Variants in COL12A1 observed in about 807,000 individuals in gnomAD.
The protein encoded by COL12A1 is collagen type XII alpha 1 chain.
Under a neutral mutation model 349.7 loss-of-function variants are expected in COL12A1, and 114 were observed. That is an observed-to-expected ratio of 0.33 (90% confidence interval 0.28 to 0.38). The LOEUF is 0.38. Ranked by LOEUF, COL12A1 falls within the 10% of genes least tolerant of loss-of-function variation. COL12A1 has a pLI of 1.00. For synonymous variants in COL12A1, 1,369 were observed against 1,329.0 expected, an observed-to-expected ratio of 1.03 and a Z score of -0.66; for missense variants, 3,284 against 3,756.9, an observed-to-expected ratio of 0.87 and a Z score of 3.29.
At chr6:75,192,932 T>A (rs139666096) in intron 3 of COL12A1, among the ~76,000 whole-genome samples, 8 of 152,258 alleles carry the variant, frequency 5.3e-5, no homozygotes, top group African/African-American at 1.7e-4. Context: ...CAAGGTCCAG[T>A]ATACTAGGTG....
rs1766321428 is a variant in COL12A1 at position 75,131,989 on chromosome 6, T to C, written c.5888A>G (p.Gln1963Arg). The C allele has an allele frequency of 1.2e-6, 2 of 1,614,028 alleles. No individual in the cohort carries two copies. The highest frequency in any genetic ancestry group is 1.7e-6 in the Non-Finnish European group (2 of 1,180,010). ...CACAGGAGAATACACAACGCGATAT[T>C]GCAGCACAGGTCCTGGAGCAGGGTC... ...RWDPAPGPVL[Q>R]YRVVYSPVDG... The change falls in exon 35 of 66, where the codon CAA becomes CGA. Residue 1963 changes from glutamine (Q) to arginine (R), a missense_variant. This residue lies in a region of COL12A1 where 2,601 missense variants were observed against 2,824.8 expected (regional missense o/e 0.92). Transcript: ENST00000322507.
rs1490589326 is a variant in COL12A1, at chr6:75,181,135, T to C, written c.1968A>G (p.Gly656=). The C allele has an allele frequency of 1.2e-6, 2 of 1,613,656 alleles. No homozygotes were observed. Among genetic ancestry groups the C allele is most frequent in the East Asian group, 2.2e-5 (1 of 44,850 alleles). Residue 656 remains glycine (G), a synonymous_variant, in exon 11 of 66, where the codon GGA becomes GGG. Coordinates refer to ENST00000322507, the MANE Select transcript of COL12A1 (RefSeq NM_004370.6). ...YGFKTNWSPA[G]ENVFSYHITY... ...TGATGTGATATGAAAAAACATTTTC[T>C]CCAGCTGGAGACCAGTTGGTTTTGA... is the stretch of plus-strand genomic sequence containing the variant.
Position 75,102,645 on chromosome 6 carries a change from A to G in COL12A1, c.8367T>C (p.Gly2789=). ...CATTGGGTCCCTGAGGGCCTGGAGG[A>G]CCCTGGGGGCCTGGAGGACCTATGT... is the stretch of plus-strand genomic sequence containing the variant. The part of the protein sequence containing the change: ...RGDIGPPGPQ[G]PPGPQGPNGL... The change falls in exon 56 of 66, where the codon GGT becomes GGC. Residue 2789 remains glycine (G), a synonymous_variant. Transcript: ENST00000322507. The G allele has an allele frequency of 6.4e-7, 1 of 1,573,720 alleles. No individual in the cohort carries two copies. Among genetic ancestry groups the G allele is most frequent in the Admixed American group, 1.9e-5 (1 of 53,714 alleles).
chr6:75,180,118 A>G (rs1376105272), intron 11 of COL12A1, among the ~76,000 whole-genome samples: 2 of 152,222 alleles, frequency 1.3e-5, no homozygotes, highest in Non-Finnish European at 2.9e-5. Flanking sequence ...TAACATAATA[A>G]GAACCCCATC....
chr6:75,182,491 T>C (rs1268098224), intron 10 of COL12A1, among the ~76,000 whole-genome samples: 1 of 152,104 alleles, frequency 6.6e-6, no homozygotes, highest in East Asian at 1.9e-4. Flanking sequence ...GTTAGTTTGC[T>C]GAGAATGATG....
Position 75,151,958 on chromosome 6 carries a change from A to G in COL12A1, c.3909T>C (p.Ile1303=). ...ATTTTCCATCAGTAATGAGCACACCAATTTTTCGAGCTCGAGGTCTCATGC... is the reference window on the plus strand; with the variant it reads ...ATTTTCCATCAGTAATGAGCACACCGATTTTTCGAGCTCGAGGTCTCATGC... ...QAGMRPRARK[I]GVLITDGKSQ... Residue 1303 remains isoleucine, a synonymous_variant, in exon 20 of 66, where the codon ATT becomes ATC. Transcript: ENST00000322507. 1 of 1,613,862 alleles carries G rather than the reference A, an allele frequency of 6.2e-7. No homozygotes were observed. Among genetic ancestry groups the G allele is most frequent in the Non-Finnish European group, 8.5e-7 (1 of 1,179,818 alleles).
Position 75,175,106 on chromosome 6 carries a change from A to C in COL12A1, c.2642T>G (p.Leu881Ter), listed in dbSNP as rs1768857751. The stretch of plus-strand genomic sequence containing the variant: ...AGACGCATACAAGGCTGTCACAGAT[A>C]AGGCGTATTGTGTCCCTTCCTTCAA... ...QGLKEGTQYALSVTALYASGA... is the reference protein window; with the variant it reads ...QGLKEGTQYA Residue 881 changes from leucine to a stop codon, truncating the protein, a stop_gained, in exon 13 of 66, where the codon TTA becomes TGA. Transcript: ENST00000322507. LOFTEE classifies it high-confidence loss of function. 1 of 1,614,050 alleles carries C rather than the reference A, an allele frequency of 6.2e-7. No individual in the cohort carries two copies. The highest frequency in any genetic ancestry group is 8.5e-7 in the Non-Finnish European group (1 of 1,180,034).
chr6:75,174,743 G>C (rs186970737), intron 13 of COL12A1, among the ~76,000 whole-genome samples: 1 of 152,232 alleles, frequency 6.6e-6, no homozygotes, highest in East Asian at 1.9e-4. Flanking sequence ...CGCTCTGAAT[G>C]TCATACACCT....
chr6:75,104,360 C>T (rs1482506977), intron 54 of COL12A1, among the ~76,000 whole-genome samples: 1 of 152,062 alleles, frequency 6.6e-6, no homozygotes, highest in Non-Finnish European at 1.5e-5. Context: ...ATCACTGTTA[C>T]TAGAAAAAAA....
chr6:75,158,408 T>G (rs1463855215), intron 14 of COL12A1, among the ~76,000 whole-genome samples: 2 of 152,028 alleles, frequency 1.3e-5, no homozygotes, highest in Admixed American at 1.3e-4. Flanking sequence ...TCACCAGAAA[T>G]CAAACCCTGC....
intron 30 of COL12A1, among the ~76,000 whole-genome samples, chr6:75,137,917 A>C (rs1483144394): frequency 6.6e-6 from 1 of 151,812 alleles, no homozygotes; most frequent in East Asian, 1.9e-4. Context: ...GAGAGAGTTT[A>C]TTCTCTCTCT....
At chr6:75,205,625 C>A (rs1189488278) in intron 1 of COL12A1, among the ~76,000 whole-genome samples, 152 bp downstream of exon 1, 1 of 152,188 alleles carries the variant, frequency 6.6e-6, no homozygotes, top group African/African-American at 2.4e-5. Flanking sequence ...GTATACAAGG[C>A]AACGCTCTAG....
chr6:75,197,821 A>T (rs1770312834), intron 2 of COL12A1, among the ~76,000 whole-genome samples: 1 of 152,220 alleles, frequency 6.6e-6, no homozygotes, highest in Non-Finnish European at 1.5e-5. Flanking sequence ...ATATTTACAG[A>T]TAATGTTTTT....
chr6:75,202,626 GA>G, intron 2 of COL12A1, 93 bp downstream of exon 2: 1 of 1,263,836 alleles, frequency 7.9e-7, no homozygotes, highest in Non-Finnish European at 1.1e-6. Context: ...GAAGCGCAGG[GA>G]AAACAGAGCA....
In COL12A1 at chr6:75,147,774, C is replaced by G. The variant is rs1767274098; in HGVS notation, c.4318G>C (p.Val1440Leu). The change falls in exon 23 of 66, where the codon GTG becomes CTG. Residue 1440 changes from valine (V) to leucine (L), a missense_variant. By Grantham distance (32) the Val-to-Leu change is conservative. Transcript: ENST00000322507. ...FYVSRMETST[V>L]LKDLKPETEY... ...GTTTCAGGTTTCAGATCTTTCAGCA[C>G]TGTGCTAGTTTCCATTCGACTCACA... is the stretch of plus-strand genomic sequence containing the variant. 1 of 1,613,350 alleles carries G rather than the reference C, an allele frequency of 6.2e-7. No homozygotes were observed. Among genetic ancestry groups the G allele is most frequent in the Non-Finnish European group, 8.5e-7 (1 of 1,179,612 alleles).
At position 75,133,534 on chromosome 6, in the gene COL12A1, T is replaced by C. The variant is rs117491480; in HGVS notation, c.5665-112A>G. The C allele has an allele frequency of 6.1e-3, 6,621 of 1,091,406 alleles. 32 individuals carry two copies. The highest frequency in any genetic ancestry group is 0.024 in the Middle Eastern group (85 of 3,484). 67.6% of individuals were successfully genotyped at this position (1,091,406 alleles called of 1,614,324 possible). A position where few individuals can be genotyped will look rare whatever the true frequency, so the allele number is the denominator to read the frequency against. On this transcript the variant is annotated intron_variant, in intron 33 of 65. Transcript: ENST00000322507. ...CCAAGTCAAGAAGTAGGTTCTGTAA[T>C]ATTAGGATGTCATAATAAGCCCCCA... is the stretch of plus-strand genomic sequence containing the variant.
At chr6:75,148,205 T>C (rs1767297676) in intron 22 of COL12A1, among the ~76,000 whole-genome samples, 153 bp downstream of exon 22, 1 of 152,148 alleles carries the variant, frequency 6.6e-6, no homozygotes. Flanking sequence ...AATGCCTGCC[T>C]AGCAAAGTCA....
Position 75,115,918 on chromosome 6 carries a change from A to G in COL12A1, c.7563T>C (p.Phe2521=). 1 of 1,612,782 alleles carries G rather than the reference A, an allele frequency of 6.2e-7. No individual in the cohort carries two copies. The part of the protein sequence containing the change: ...IYLDGYTSPG[F]KMLEAYNLTE... Reference sequence around the variant, plus strand: ...TCAGGTTGTATGCTTCAAGCATTTTAAAACCTTTACATCAGAAAAGAAAAT... The same window carrying G: ...TCAGGTTGTATGCTTCAAGCATTTTGAAACCTTTACATCAGAAAAGAAAAT... The change falls in exon 49 of 66, where the codon TTT becomes TTC. Residue 2521 remains phenylalanine, a synonymous_variant. Transcript: ENST00000322507.
chr6:75,138,877 T>A lies in COL12A1; in HGVS notation c.5042A>T (p.Asp1681Val). The part of the protein sequence containing the change: ...FRGTWDHGAS[D>V]VSLYRITWAP... ...CCAAGTTATTCTGTAGAGAGACACA[T>A]CTGAAGCTCCATGATCCCAAGTCCC... The change falls in exon 28 of 66, where the codon GAT becomes GTT. Residue 1681 changes from aspartate to valine, a missense_variant. By Grantham distance (152) the Asp-to-Val change is radical (BLOSUM62 -3). Coordinates refer to ENST00000322507, the MANE Select transcript of COL12A1 (RefSeq NM_004370.6). 1 of 1,614,138 alleles carries A rather than the reference T, an allele frequency of 6.2e-7. No homozygotes were observed. The highest frequency in any genetic ancestry group is 8.5e-7 in the Non-Finnish European group (1 of 1,179,968).
Sources: allele counts gnomAD v4.1 joint callset (sites outside exome capture counted in the v4.1 genomes callset), GRCh38; gene constraint gnomAD v4.1.1; regional missense constraint gnomAD v4.1.1; transcripts MANE v1.5; gene names NCBI Gene and HGNC (gene_info 2026-07-23, HGNC 2026-07-21).